The following VAV2 variants were observed in gnomAD, a reference collection of about 807,000 sequenced individuals.
VAV2 encodes vav guanine nucleotide exchange factor 2.
A neutral mutation model predicts 132.5 loss-of-function variants in VAV2; 67 were observed. The observed-to-expected ratio is 0.51, with a 90% CI of 0.42 to 0.62. The LOEUF is 0.62. Ranked by LOEUF, VAV2 falls within the 20% of genes least tolerant of loss-of-function variation. The probability of loss-of-function intolerance (pLI) is 0.00; values close to 1 mark genes in which losing one functional copy is unlikely to be tolerated. For missense variants in VAV2, 938 were observed against 1,153.6 expected, an observed-to-expected ratio of 0.81 and a Z score of 2.71; for synonymous variants, 492 against 443.5, an observed-to-expected ratio of 1.11 and a Z score of -1.37.
At chr9:133,943,880 G>A (rs940033340) in intron 1 of VAV2, among the ~76,000 whole-genome samples, 3 of 152,248 alleles carry the variant, frequency 2.0e-5, no homozygotes, top group South Asian at 2.1e-4. Flanking sequence ...GGCTGAAATC[G>A]GATTAGTGTG....
At chr9:133,911,959 A>G (rs1370235700) in intron 2 of VAV2, among the ~76,000 whole-genome samples, 1 of 152,322 alleles carries the variant, frequency 6.6e-6, no homozygotes, top group East Asian at 1.9e-4. Context: ...GTTCAGGGGT[A>G]CACGTGCAGG....
In VAV2 at chr9:133,765,233, A is replaced by G. The variant is rs1564322808; in HGVS notation, c.2590-1124T>C. 2.0e-5 allele frequency among the ~76,000 whole-genome samples: 3 copies of G among 152,398 alleles called. No individual in the cohort carries two copies. In the East Asian group the frequency reaches 5.8e-4, roughly 29 times the overall value. The stretch of plus-strand genomic sequence containing the variant: ...CTAGTACATGAAAGTTTGAAGAGAA[A>G]CAGGATATTTACCTAACCTCAAAGT... On this transcript the variant is annotated intron_variant, in intron 29 of 29. Transcript: ENST00000371850.
At chr9:133,787,095 C>T in intron 16 of VAV2, 151 bp downstream of exon 16, 1 of 848,952 alleles carries the variant, frequency 1.2e-6, no homozygotes, top group Non-Finnish European at 1.6e-6. Context: ...CAAATCATTT[C>T]ATCATCGGGA....
chr9:133,935,419 G>A lies in VAV2; in HGVS notation c.321+3684C>T, dbSNP rs548268465. On this transcript the variant is annotated intron_variant, in intron 2 of 29. Transcript: ENST00000371850. This position sits in a 1 kb window ranked among gnomAD's most constrained non-coding sequence, Gnocchi z 5.2. The stretch of plus-strand genomic sequence containing the variant: ...CTTGTGGTCAACAAGCTGGGAGTCC[G>A]GGAGGCCAGAGACCAGCAGCCTCGG... Among the ~76,000 whole-genome samples, 13 of 152,246 alleles carry A rather than the reference G, an allele frequency of 8.5e-5. No individual in the cohort carries two copies. Among genetic ancestry groups the A allele is most frequent in the African/African-American group, 1.4e-4 (6 of 41,544 alleles).
chr9:133,763,997 G>A lies in VAV2; in HGVS notation c.*65C>T. On this transcript the variant is annotated 3_prime_UTR_variant, in exon 30 of 30. Transcript: ENST00000371850. The surrounding 1 kb of genome is among the most constrained non-coding windows in gnomAD (Gnocchi z 6.8). The stretch of plus-strand genomic sequence containing the variant: ...CCCTCTGAGTCACAGAGGAGCTAGA[G>A]ACAGACTTCAGGGCTGGAGTGACTC... 6.3e-7 allele frequency: 1 copy of A among 1,592,468 alleles called. No individual in the cohort carries two copies. The highest frequency in any genetic ancestry group is 8.6e-7 in the Non-Finnish European group (1 of 1,160,558).
chr9:133,976,422 C>T (rs190982609), intron 1 of VAV2, among the ~76,000 whole-genome samples: 4 of 152,182 alleles, frequency 2.6e-5, no homozygotes, highest in African/African-American at 9.6e-5. Context: ...GCCTCACCCT[C>T]GATGGAGGAG....
At chr9:133,777,803 T>C (rs1283318869) in intron 22 of VAV2, among the ~76,000 whole-genome samples, 1 of 152,186 alleles carries the variant, frequency 6.6e-6, no homozygotes, top group African/African-American at 2.4e-5. Flanking sequence ...GAACCTCCTG[T>C]TACATGAATG....
intron 2 of VAV2, among the ~76,000 whole-genome samples, chr9:133,869,838 G>T (rs1021137198): frequency 6.6e-6 from 1 of 152,124 alleles, no homozygotes; most frequent in Non-Finnish European, 1.5e-5. Flanking sequence ...AAACACACAC[G>T]CACACGCAGC....
In VAV2 at chr9:133,763,538, C is replaced by G. The variant is rs1305914539; in HGVS notation, c.*524G>C. The G allele has an allele frequency of 1.9e-5, 3 of 160,398 alleles. No homozygotes were observed. Among genetic ancestry groups the G allele is most frequent in the Non-Finnish European group, 4.1e-5 (3 of 72,948 alleles). The allele number at this position is 160,398 out of a possible 1,614,324, so 9.9% of individuals were successfully genotyped here. Reference sequence around the variant, plus strand: ...TAGCACAGTGGGGCAAGTGGGCCCACAGTGAACAGCCTGGCTCTGGTCCCG... The same window carrying G: ...TAGCACAGTGGGGCAAGTGGGCCCAGAGTGAACAGCCTGGCTCTGGTCCCG... On this transcript the variant is annotated 3_prime_UTR_variant, in exon 30 of 30. Coordinates refer to ENST00000371850, the MANE Select transcript of VAV2 (RefSeq NM_001134398.2). The surrounding 1 kb of genome is among the most constrained non-coding windows in gnomAD (Gnocchi z 6.8).
At position 133,789,249 on chromosome 9, in the gene VAV2, C is replaced by A. The variant is rs758349055; in HGVS notation, c.1274+9G>T. The A allele has an allele frequency of 6.2e-7, 1 of 1,613,802 alleles. No homozygotes were observed. The highest frequency in any genetic ancestry group is 1.1e-5 in the South Asian group (1 of 91,060). ...ACGCCACCCAGCCCACAACACGCGC[C>A]CTGCTCACCTGTCCTGCTTGGTGTG... On this transcript the variant is annotated intron_variant, in intron 14 of 29. Coordinates refer to ENST00000371850, the MANE Select transcript of VAV2 (RefSeq NM_001134398.2).
Position 133,926,991 on chromosome 9 carries a change from G to A in VAV2, c.321+12112C>T, listed in dbSNP as rs116623373. Among the ~76,000 whole-genome samples the A allele has an allele frequency of 7.0e-3, 1,070 of 152,212 alleles. 12 individuals are homozygous for A. The highest frequency in any genetic ancestry group is 0.025 in the African/African-American group (1,023 of 41,514). On this transcript the variant is annotated intron_variant, in intron 2 of 29. Coordinates refer to ENST00000371850, the MANE Select transcript of VAV2 (RefSeq NM_001134398.2). This position sits in a 1 kb window ranked among gnomAD's most constrained non-coding sequence, Gnocchi z 4.3. ...AAATCAATGCAATTCTGCAAACACC[G>A]GGCAGCCTGTCACAGACACCCGCAG...
At chr9:133,846,554 T>TCCCTGGCTGCCCTGGC (rs144932532) in intron 3 of VAV2, among the ~76,000 whole-genome samples, 4,370 of 151,952 alleles carry the variant, frequency 0.029, 199 homozygotes, top group African/African-American at 0.1. Context: ...TCCAGCCCTG[T>TCCCTGGCTGCCCTGGC]CCCTGGCTGC....
At chr9:133,941,613 G>GC (rs1407863392) in intron 1 of VAV2, among the ~76,000 whole-genome samples, 3 of 15,788 alleles carry the variant, frequency 1.9e-4, no homozygotes, top group Admixed American at 1.3e-3. Flanking sequence ...TTTTTTGGGG[G>GC]GGGGGGGGGA....
Position 133,763,862 on chromosome 9 carries a change from C to T in VAV2, c.*200G>A, listed in dbSNP as rs554614638. ...GGTTTCCTCTATGTACAATAGCATA[C>T]CCAGTGATGGGTCGCCGAGGGCAGG... is the stretch of plus-strand genomic sequence containing the variant. On this transcript the variant is annotated 3_prime_UTR_variant, in exon 30 of 30. Coordinates refer to ENST00000371850, the MANE Select transcript of VAV2 (RefSeq NM_001134398.2). The surrounding 1 kb of genome is among the most constrained non-coding windows in gnomAD (Gnocchi z 6.8). The T allele has an allele frequency of 1.6e-6, 1 of 638,500 alleles. No homozygotes were observed. The highest frequency in any genetic ancestry group is 2.7e-6 in the Non-Finnish European group (1 of 366,434). 39.6% of individuals were successfully genotyped at this position (638,500 alleles called of 1,614,324 possible).
At chr9:133,970,493 C>T (rs2519140) in intron 1 of VAV2, among the ~76,000 whole-genome samples, 88,916 of 151,910 alleles carry the variant, frequency 0.59, 26,988 homozygotes, top group East Asian at 0.92. Flanking sequence ...CCCACAGAGG[C>T]GTGGCAGTGG....
At chr9:133,868,319 G>T (rs531458625) in intron 2 of VAV2, among the ~76,000 whole-genome samples, 4 of 152,354 alleles carry the variant, frequency 2.6e-5, no homozygotes, top group Non-Finnish European at 4.4e-5. Flanking sequence ...AGAAGGAAGA[G>T]AAATGAGTCT....
intron 4 of VAV2, among the ~76,000 whole-genome samples, chr9:133,821,788 A>G (rs1257524716): frequency 1.3e-5 from 2 of 152,138 alleles, no homozygotes; most frequent in Non-Finnish European, 2.9e-5. Flanking sequence ...ATGGCCAGGC[A>G]GGAATGTGGA....
intron 3 of VAV2, among the ~76,000 whole-genome samples, chr9:133,838,498 GGTGGGTAA>G (rs1476839450): frequency 9.8e-6 from 1 of 102,498 alleles, no homozygotes; most frequent in Non-Finnish European, 2.0e-5. Flanking sequence ...TGGATGGATG[GGTGGGTAA>G]GTGGGTGGGT....
Position 133,941,624 on chromosome 9 carries a change from CG to C in VAV2, c.205-2406del, listed in dbSNP as rs1181558795. 6.2e-3 allele frequency among the ~76,000 whole-genome samples: 686 copies of C among 111,440 alleles called. 10 individuals carry two copies. The highest frequency in any genetic ancestry group is 0.022 in the African/African-American group (659 of 30,094). 73.1% of individuals were successfully genotyped at this position (111,440 alleles called of 152,430 possible). ...ACTTTTTTTTGGGGGGGGGGGGGGA[CG>C]GAATTTCGCCCTTGTTTCCCAGGCT... On this transcript the variant is annotated intron_variant, in intron 1 of 29. Coordinates refer to ENST00000371850, the MANE Select transcript of VAV2 (RefSeq NM_001134398.2).
Sources: allele counts gnomAD v4.1 joint callset (sites outside exome capture counted in the v4.1 genomes callset), GRCh38; gene constraint gnomAD v4.1.1; non-coding constraint Gnocchi (gnomAD v3.1); transcripts MANE v1.5; gene names NCBI Gene and HGNC (gene_info 2026-07-23, HGNC 2026-07-21).